Variants in TTC39C observed in about 807,000 individuals in gnomAD.
TTC39C encodes the protein tetratricopeptide repeat domain 39C.
TTC39C carries 33 observed loss-of-function variants against 76.3 expected under a neutral mutation model. The ratio of observed to expected loss-of-function variants is 0.43; its 90% CI spans 0.33 to 0.58. The LOEUF is 0.58. Among genes scored for constraint, TTC39C ranks in the 20% least tolerant of loss-of-function variants. The pLI, the probability that TTC39C is intolerant of heterozygous loss-of-function variation, is 0.04. For synonymous variants in TTC39C, 254 were observed against 260.6 expected, an observed-to-expected ratio of 0.97 and a Z score of 0.24; for missense variants, 595 against 701.4, an observed-to-expected ratio of 0.85 and a Z score of 1.71.
In TTC39C at chr18:24,020,226, CT is replaced by C. The variant is rs35066286; in HGVS notation, c.167+5194del. On this transcript the variant is annotated intron_variant, in intron 1 of 13. Coordinates refer to ENST00000317571, the MANE Select transcript of TTC39C (RefSeq NM_001135993.2). ...TCAGTGGTGTGTTGGAAAAAGGCAT[CT>C]TTTTTCCCCCAACTATTACACTGTC... The C allele has an allele frequency of 9.3e-6, 10 of 1,069,818 alleles. No homozygotes were observed. In the East Asian group the frequency reaches 2.6e-4, roughly 28 times the overall value. 66.3% of individuals were successfully genotyped at this position (1,069,818 alleles called of 1,614,324 possible). A position where few individuals can be genotyped will look rare whatever the true frequency, so the allele number is the denominator to read the frequency against.
intron 1 of TTC39C, among the ~76,000 whole-genome samples, chr18:24,030,831 C>T (rs556481149): frequency 5.7e-4 from 87 of 151,892 alleles, no homozygotes; most frequent in African/African-American, 2.0e-3. Flanking sequence ...ATTTTTTAGC[C>T]GAGACAGTTT....
chr18:23,997,848 T>C (rs1286290309), intron 1 of TTC39C, among the ~76,000 whole-genome samples: 1 of 149,564 alleles, frequency 6.7e-6, no homozygotes, highest in African/African-American at 2.5e-5. Context: ...CATTCCCACC[T>C]GGGTGACAGA....
At chr18:24,045,904 TATATATATATATATA>T (rs2083865177) in intron 1 of TTC39C, among the ~76,000 whole-genome samples, 4 of 39,218 alleles carry the variant, frequency 1.0e-4, no homozygotes, top group African/African-American at 5.9e-4. Flanking sequence ...TATATATATA[TATATATATATATATA>T]TATATATATT....
chr18:24,020,074 G>A, intron 1 of TTC39C: 1 of 1,349,550 alleles, frequency 7.4e-7, no homozygotes. Flanking sequence ...TGCTCCTGGA[G>A]ACGATAGGAG....
intron 1 of TTC39C, among the ~76,000 whole-genome samples, chr18:24,032,782 G>C (rs1227741232): frequency 6.6e-6 from 1 of 151,676 alleles, no homozygotes; most frequent in Non-Finnish European, 1.5e-5. Context: ...AAATGATTTT[G>C]TTGTATGATT....
chr18:24,080,719 G>A lies in TTC39C; in HGVS notation c.595G>A (p.Asp199Asn). The change falls in exon 5 of 14, where the codon GAT becomes AAT. Residue 199 changes from aspartate to asparagine, a missense_variant. Asp to Asn is a conservative substitution (Grantham distance 23). Coordinates refer to ENST00000317571, the MANE Select transcript of TTC39C (RefSeq NM_001135993.2). ...GTCCTTGACTTCTGATGCTGCAAAT[G>A]ATAATCACATTGTGGCTGAAGGGGT... Reference protein sequence around the residue: ...EESLTSDAANDNHIVAEGVSE... With the variant: ...EESLTSDAANNNHIVAEGVSE... 6.2e-7 allele frequency: 1 copy of A among 1,614,158 alleles called. No homozygotes were observed. The highest frequency in any genetic ancestry group is 1.1e-5 in the South Asian group (1 of 91,076).
At chr18:24,093,007 G>C (rs1177776637) in intron 6 of TTC39C, among the ~76,000 whole-genome samples, 1 of 152,176 alleles carries the variant, frequency 6.6e-6, no homozygotes. Flanking sequence ...TGTTGAGCCT[G>C]TAGTGAGCCG....
chr18:24,069,282 G>C lies in TTC39C; in HGVS notation c.460+11G>C. On this transcript the variant is annotated intron_variant, in intron 4 of 13. Coordinates refer to ENST00000317571, the MANE Select transcript of TTC39C (RefSeq NM_001135993.2). ...AACAAGAATTGTCAGGTATGCTGAA[G>C]CATTATTTTTAATGGTTTTCAGTAT... The C allele has an allele frequency of 6.2e-7, 1 of 1,602,548 alleles. No homozygotes were observed. The highest frequency in any genetic ancestry group is 8.5e-7 in the Non-Finnish European group (1 of 1,169,720).
At chr18:24,015,545 G>C (rs943245457) in intron 1 of TTC39C, among the ~76,000 whole-genome samples, 6 of 151,800 alleles carry the variant, frequency 4.0e-5, no homozygotes, top group African/African-American at 1.5e-4. Flanking sequence ...TTTATTGTTT[G>C]AAAACAGATA....
At chr18:24,072,113 A>C (rs2084247854) in intron 4 of TTC39C, among the ~76,000 whole-genome samples, 1 of 152,050 alleles carries the variant, frequency 6.6e-6, no homozygotes, top group Non-Finnish European at 1.5e-5. Context: ...TGTTTCTTAG[A>C]AAACATTTTA....
intron 1 of TTC39C, among the ~76,000 whole-genome samples, chr18:24,039,215 C>A (rs1172087073): frequency 6.6e-6 from 1 of 152,152 alleles, no homozygotes; most frequent in Admixed American, 6.5e-5. Context: ...CTTAGCAGAG[C>A]CAGGACTTGA....
intron 1 of TTC39C, chr18:24,022,849 T>C (rs780807024): frequency 2.4e-5 from 24 of 985,278 alleles, no homozygotes; most frequent in Non-Finnish European, 2.8e-5. Context: ...TCCAGCCAGG[T>C]ATATCTTGCT....
At chr18:24,032,650 G>A (rs1454936680) in intron 1 of TTC39C, among the ~76,000 whole-genome samples, 1 of 152,160 alleles carries the variant, frequency 6.6e-6, no homozygotes. Flanking sequence ...GACTGTGAAC[G>A]TCACATGAGA....
chr18:24,038,276 A>ATTTATT (rs1244484787), intron 1 of TTC39C, among the ~76,000 whole-genome samples: 3 of 152,076 alleles, frequency 2.0e-5, no homozygotes, highest in African/African-American at 7.2e-5. Flanking sequence ...ACAGCATGTA[A>ATTTATT]TTTATTTTTA....
At chr18:24,016,636 C>A (rs1568405247) in intron 1 of TTC39C, 1 of 398,360 alleles carries the variant, frequency 2.5e-6, no homozygotes, top group Non-Finnish European at 4.4e-6. Context: ...TTTGCACTAT[C>A]TAAGAAATTT....
intron 6 of TTC39C, among the ~76,000 whole-genome samples, chr18:24,111,526 G>A (rs547193108): frequency 2.6e-5 from 4 of 150,980 alleles, no homozygotes; most frequent in African/African-American, 7.3e-5. Context: ...CCAAGATCAC[G>A]CCACTGACTC....
chr18:24,033,507 G>A (rs1025470992), intron 1 of TTC39C, among the ~76,000 whole-genome samples: 11 of 152,136 alleles, frequency 7.2e-5, no homozygotes, highest in Admixed American at 5.2e-4. Context: ...GCTTTCTCTG[G>A]TCTTCCAGCC....
At chr18:24,041,840 A>G (rs1487408523) in intron 1 of TTC39C, among the ~76,000 whole-genome samples, 1 of 152,200 alleles carries the variant, frequency 6.6e-6, no homozygotes, top group Non-Finnish European at 1.5e-5. Context: ...TTCACTTCTG[A>G]TATCTTTAGA....
intron 1 of TTC39C, among the ~76,000 whole-genome samples, chr18:24,029,602 A>G (rs1368447753): frequency 1.3e-5 from 2 of 152,214 alleles, no homozygotes; most frequent in African/African-American, 4.8e-5. Flanking sequence ...TGGTGTACCT[A>G]TCACCCAAGC....
Sources: gnomAD v4.1 joint callset for allele counts (sites outside exome capture counted in the v4.1 genomes callset) on GRCh38, gnomAD v4.1.1 for gene constraint, MANE v1.5 for transcripts, NCBI Gene and HGNC (gene_info 2026-07-23, HGNC 2026-07-21) for gene names.